ACSS2: variants seen among roughly 807,000 people sequenced by gnomAD.
ACSS2 encodes acetyl-coenzyme A synthetase, cytoplasmic.
ACSS2 carries 58 observed loss-of-function variants against 90.6 expected under a neutral mutation model. The observed-to-expected ratio is 0.64, with a 90% CI of 0.52 to 0.80. The LOEUF (loss-of-function observed/expected upper bound fraction) is 0.80, where lower values mean the gene tolerates loss of function less well. Ranked by LOEUF, ACSS2 falls within the 30% of genes least tolerant of loss-of-function variation. The pLI, the probability that ACSS2 is intolerant of heterozygous loss-of-function variation, is 0.00. For synonymous variants in ACSS2, 300 were observed against 330.9 expected (o/e 0.91, Z 1.01); for missense variants, 759 against 912.0 (o/e 0.83, Z 2.16).
At chr20:34,892,339 G>C (rs183766005) in intron 2 of ACSS2, among the ~76,000 whole-genome samples, 1 of 152,268 alleles carries the variant, frequency 6.6e-6, no homozygotes, top group East Asian at 1.9e-4. Flanking sequence ...GGAGAGGTTG[G>C]GCACTGGTAA....
chr20:34,886,973 C>T (rs770846727), intron 2 of ACSS2, among the ~76,000 whole-genome samples: 1 of 152,184 alleles, frequency 6.6e-6, no homozygotes, highest in Admixed American at 6.5e-5. Context: ...TTGAAATTAT[C>T]CACAAAGGAA....
chr20:34,902,331 A>G (rs2080682083), intron 2 of ACSS2, among the ~76,000 whole-genome samples: 1 of 152,328 alleles, frequency 6.6e-6, no homozygotes, highest in Admixed American at 6.5e-5. Flanking sequence ...TAACAATAAC[A>G]ATAAGTAAAC....
chr20:34,882,893 T>A lies in ACSS2; in HGVS notation c.278T>A (p.Ile93Asn). 6.2e-7 allele frequency: 1 copy of A among 1,613,968 alleles called. No individual in the cohort carries two copies. The highest frequency in any genetic ancestry group is 8.5e-7 in the Non-Finnish European group (1 of 1,179,914). The change falls in exon 2 of 18, where the codon ATT becomes AAT. Residue 93 changes from isoleucine (I) to asparagine (N), a missense_variant. Transcript: ENST00000360596. ...GATGTGACTAAAGGGAAAATCTTCATTGAGTGGATGAAAGGAGCAACTACC... is the reference window on the plus strand; with the variant it reads ...GATGTGACTAAAGGGAAAATCTTCAATGAGTGGATGAAAGGAGCAACTACC... ...NFDVTKGKIF[I>N]EWMKGATTNI...
chr20:34,910,114 C>G (rs573013655), intron 2 of ACSS2, among the ~76,000 whole-genome samples: 1 of 151,948 alleles, frequency 6.6e-6, no homozygotes, highest in Non-Finnish European at 1.5e-5. Flanking sequence ...CTCCATTTCC[C>G]GGATTCAAGC....
At chr20:34,903,727 A>G (rs2080727243) in intron 2 of ACSS2, among the ~76,000 whole-genome samples, 1 of 151,986 alleles carries the variant, frequency 6.6e-6, no homozygotes, top group Non-Finnish European at 1.5e-5. Flanking sequence ...CTTCAATTCA[A>G]TGACTATCGT....
In ACSS2 at chr20:34,926,223, C is replaced by T; in HGVS notation, c.1845C>T (p.Val615=). 1 of 1,614,218 alleles carries T rather than the reference C, an allele frequency of 6.2e-7. No individual in the cohort carries two copies. The highest frequency in any genetic ancestry group is 1.3e-5 in the African/African-American group (1 of 75,062). ...PVKGECLYCF[V]TLCDGHTFSP... Reference sequence around the variant, plus strand: ...AGGGTGAATGCCTCTACTGCTTTGTCACCTTGTGTGATGGCCACACCTTCA... The same window carrying T: ...AGGGTGAATGCCTCTACTGCTTTGTTACCTTGTGTGATGGCCACACCTTCA... The change falls in exon 16 of 18, where the codon GTC becomes GTT. Residue 615 remains valine, a synonymous_variant. Coordinates refer to ENST00000360596, the MANE Select transcript of ACSS2 (RefSeq NM_018677.4).
intron 2 of ACSS2, among the ~76,000 whole-genome samples, chr20:34,893,405 T>G (rs2080384043): frequency 6.6e-6 from 1 of 151,882 alleles, no homozygotes; most frequent in Admixed American, 6.6e-5. Context: ...AGAATTTTGC[T>G]CTTGTTGCCC....
chr20:34,916,296 G>A (rs1196726981), intron 7 of ACSS2, among the ~76,000 whole-genome samples: 1 of 152,184 alleles, frequency 6.6e-6, no homozygotes, highest in Non-Finnish European at 1.5e-5. Flanking sequence ...ATCTGCTGCT[G>A]TGTAAACTTG....
chr20:34,889,445 C>G lies in ACSS2; in HGVS notation c.374+6456C>G, dbSNP rs55813620. Reference sequence around the variant, plus strand: ...CCAATTTTTGTATTTTTAGTAGAGACAGGTTTTCACCATGTTGGCCAGGCT... The same window carrying G: ...CCAATTTTTGTATTTTTAGTAGAGAGAGGTTTTCACCATGTTGGCCAGGCT... On this transcript the variant is annotated intron_variant, in intron 2 of 17. Coordinates refer to ENST00000360596, the MANE Select transcript of ACSS2 (RefSeq NM_018677.4). Among the ~76,000 whole-genome samples, 9 of 85,518 alleles carry G rather than the reference C, an allele frequency of 1.1e-4. No individual in the cohort carries two copies. In the East Asian group the frequency reaches 2.7e-3, roughly 25 times the overall value. The allele number at this position is 85,518 out of a possible 152,430, so 56.1% of individuals were successfully genotyped here. A position where few individuals can be genotyped will look rare whatever the true frequency, so the allele number is the denominator to read the frequency against.
chr20:34,904,096 CAAAG>C (rs1252957181), intron 2 of ACSS2, among the ~76,000 whole-genome samples: 2 of 151,808 alleles, frequency 1.3e-5, no homozygotes, highest in Non-Finnish European at 2.9e-5. Flanking sequence ...AAACAGATCA[CAAAG>C]AAAGTGAGAT....
intron 2 of ACSS2, among the ~76,000 whole-genome samples, chr20:34,910,715 G>A (rs2080931749): frequency 6.6e-6 from 1 of 152,180 alleles, no homozygotes; most frequent in Admixed American, 6.6e-5. Context: ...TTGGGAGATA[G>A]GAGTGGGGAG....
Position 34,921,093 on chromosome 20 carries a change from A to G in ACSS2, c.1231A>G (p.Thr411Ala). Residue 411 changes from threonine to alanine, a missense_variant, in exon 10 of 18, where the codon ACA becomes GCA. Thr to Ala is a moderately conservative substitution (Grantham distance 58). Transcript: ENST00000360596. ...YKVTKFYTAP[T>A]AIRLLMKFGD... is the part of the protein sequence containing the mutation. ...GGTGACCAAGTTCTACACAGCACCC[A>G]CAGCCATCCGTCTGCTCATGAAGTT... The G allele has an allele frequency of 6.2e-7, 1 of 1,614,206 alleles. No individual in the cohort carries two copies. Among genetic ancestry groups the G allele is most frequent in the Non-Finnish European group, 8.5e-7 (1 of 1,180,038 alleles).
chr20:34,915,576 C>T (rs1026833464), intron 7 of ACSS2, among the ~76,000 whole-genome samples: 1 of 151,980 alleles, frequency 6.6e-6, no homozygotes, highest in Non-Finnish European at 1.5e-5. Context: ...GGAGCAGAGC[C>T]GAGAGACAGG....
At chr20:34,903,890 A>G (rs1185202630) in intron 2 of ACSS2, among the ~76,000 whole-genome samples, 1 of 151,410 alleles carries the variant, frequency 6.6e-6, no homozygotes, top group Non-Finnish European at 1.5e-5. Flanking sequence ...AAAAAAAAAA[A>G]AAGTTGGGGG....
chr20:34,916,544 C>T (rs2081081180), intron 7 of ACSS2, among the ~76,000 whole-genome samples: 2 of 152,028 alleles, frequency 1.3e-5, no homozygotes, highest in Non-Finnish European at 2.9e-5. Context: ...GACCTTCAGG[C>T]CAAAGGCTAC....
chr20:34,925,934 C>T (rs2081309030), intron 15 of ACSS2, among the ~76,000 whole-genome samples, 168 bp downstream of exon 15: 1 of 152,158 alleles, frequency 6.6e-6, no homozygotes, highest in African/African-American at 2.4e-5. Flanking sequence ...CTGGAATGTG[C>T]CTAGAGTAGG....
intron 2 of ACSS2, among the ~76,000 whole-genome samples, chr20:34,890,730 C>G (rs1241697833): frequency 6.6e-6 from 1 of 152,112 alleles, no homozygotes; most frequent in Non-Finnish European, 1.5e-5. Flanking sequence ...AATTCTCACC[C>G]TCAGCTGAAA....
intron 9 of ACSS2, 44 bp from the exon 10 acceptor site, chr20:34,920,962 G>A (rs1473504135): frequency 6.2e-6 from 10 of 1,611,600 alleles, no homozygotes; most frequent in Non-Finnish European, 8.5e-6. Context: ...ATGAATAGAA[G>A]GACTATTAGG....
upstream of ACSS2, chr20:34,876,585 T>A: frequency 7.8e-7 from 1 of 1,283,960 alleles, no homozygotes; most frequent in Non-Finnish European, 9.9e-7. Context: ...TCGGCCTGTT[T>A]TCTCAGTCCC....
Sources: allele counts gnomAD v4.1 joint callset (sites outside exome capture counted in the v4.1 genomes callset), GRCh38; gene constraint gnomAD v4.1.1; transcripts MANE v1.5; gene names NCBI Gene and HGNC (gene_info 2026-07-23, HGNC 2026-07-21).